Variants in PCGF5 observed in about 807,000 individuals in gnomAD.
PCGF5 encodes polycomb group ring finger 5.
In PCGF5, 9 loss-of-function variants were observed where a neutral mutation model predicts 44.3. The observed-to-expected ratio is 0.20, with a 90% CI of 0.12 to 0.35. The LOEUF (loss-of-function observed/expected upper bound fraction) is 0.35. Ranked by LOEUF, PCGF5 falls within the 10% of genes least tolerant of loss-of-function variation. PCGF5 has a pLI of 1.00. For synonymous variants in PCGF5, 95 were observed against 102.5 expected, an observed-to-expected ratio of 0.93 and a Z score of 0.44; for missense variants, 146 against 305.3, an observed-to-expected ratio of 0.48 and a Z score of 3.89.
chr10:91,264,592 T>C, intron 8 of PCGF5, 72 bp downstream of exon 8: 2 of 1,214,308 alleles, frequency 1.6e-6, no homozygotes, highest in South Asian at 2.9e-5. Flanking sequence ...TTTAACAATA[T>C]TAGAAACTAA....
At chr10:91,258,271 A>T (rs1296131691) in intron 6 of PCGF5, among the ~76,000 whole-genome samples, 1 of 152,154 alleles carries the variant, frequency 6.6e-6, no homozygotes, top group African/African-American at 2.4e-5. Flanking sequence ...TCTGTGAAAG[A>T]TTGTAAGTAG....
At chr10:91,212,354 A>G (rs1844467978) in intron 1 of PCGF5, among the ~76,000 whole-genome samples, 1 of 152,206 alleles carries the variant, frequency 6.6e-6, no homozygotes, top group Non-Finnish European at 1.5e-5. Context: ...TTCTGTTTTC[A>G]CTACATCCCC....
At chr10:91,243,561 G>A (rs1351679385) in intron 3 of PCGF5, among the ~76,000 whole-genome samples, 1 of 152,150 alleles carries the variant, frequency 6.6e-6, no homozygotes. Context: ...TATGACAGTT[G>A]TGCAGCAGGC....
chr10:91,179,183 T>G (rs7087261), intron 1 of PCGF5, among the ~76,000 whole-genome samples: 141,389 of 152,192 alleles, frequency 0.93, 65,766 homozygotes, highest in African/African-American at 0.97. Flanking sequence ...TTTCAAGTCA[T>G]GTACTCTCTA....
chr10:91,186,596 G>A (rs1463941088), intron 1 of PCGF5, among the ~76,000 whole-genome samples: 1 of 110,080 alleles, frequency 9.1e-6, no homozygotes, highest in African/African-American at 2.5e-5. Context: ...GTATATATAT[G>A]TGTATATATA....
chr10:91,261,437 A>C lies in PCGF5; in HGVS notation c.573+13A>C. On this transcript the variant is annotated intron_variant, in intron 7 of 9. Transcript: ENST00000336126. ...AAGTTCTTATGAGGTAAGTTAAATA[A>C]TATCTAAGCTTGATCATTTTGATAA... 1.4e-6 allele frequency: 2 copies of C among 1,436,568 alleles called. No homozygotes were observed. The highest frequency in any genetic ancestry group is 4.8e-5 in the East Asian group (2 of 41,830). The allele number at this position is 1,436,568 out of a possible 1,614,324, so 89.0% of individuals were successfully genotyped here. A position where few individuals can be genotyped will look rare whatever the true frequency, so the allele number is the denominator to read the frequency against.
chr10:91,208,564 A>C (rs2133247494), intron 1 of PCGF5, among the ~76,000 whole-genome samples: 1 of 152,300 alleles, frequency 6.6e-6, no homozygotes, highest in Non-Finnish European at 1.5e-5. Context: ...GAAAGAGCCA[A>C]AACACATTGC....
At chr10:91,255,364 G>A (rs1026127430) in intron 6 of PCGF5, among the ~76,000 whole-genome samples, 2 of 152,046 alleles carry the variant, frequency 1.3e-5, no homozygotes, top group Admixed American at 6.6e-5. Flanking sequence ...AGAGGGCCAC[G>A]TGCATATGTA....
intron 5 of PCGF5, among the ~76,000 whole-genome samples, chr10:91,250,678 G>T (rs1181341167): frequency 2.0e-5 from 3 of 151,362 alleles, no homozygotes; most frequent in Non-Finnish European, 4.4e-5. Context: ...ATAGGCTACA[G>T]GTTTGTAATA....
At chr10:91,163,444 A>C (rs1272967273) in intron 1 of PCGF5, among the ~76,000 whole-genome samples, 1 of 151,910 alleles carries the variant, frequency 6.6e-6, no homozygotes, top group Non-Finnish European at 1.5e-5. Flanking sequence ...GAGGGAGACC[A>C]TGAAATGTGT....
At chr10:91,261,853 G>A (rs12244459) in intron 7 of PCGF5, among the ~76,000 whole-genome samples, 19,048 of 152,108 alleles carry the variant, frequency 0.13, 2,191 homozygotes, top group African/African-American at 0.3. Context: ...TCACATTTCC[G>A]TGAAATGCAG....
intron 1 of PCGF5, among the ~76,000 whole-genome samples, chr10:91,195,589 A>G (rs1337657295): frequency 6.6e-6 from 1 of 151,340 alleles, no homozygotes; most frequent in Non-Finnish European, 1.5e-5. Flanking sequence ...GCCTCAAGTA[A>G]TCCTCCACCT....
intron 2 of PCGF5, among the ~76,000 whole-genome samples, chr10:91,235,641 T>A (rs1442945563): frequency 1.3e-5 from 2 of 152,166 alleles, no homozygotes; most frequent in African/African-American, 2.4e-5. Context: ...TTCCATGTGT[T>A]GTGGGAGGAA....
intron 1 of PCGF5, among the ~76,000 whole-genome samples, chr10:91,189,047 C>T (rs543548585): frequency 2.0e-5 from 3 of 152,340 alleles, no homozygotes; most frequent in South Asian, 4.1e-4. Context: ...GATTAGCTAG[C>T]ATGTGGCTGC....
At chr10:91,255,129 G>A (rs1040787268) in intron 6 of PCGF5, among the ~76,000 whole-genome samples, 2 of 151,948 alleles carry the variant, frequency 1.3e-5, no homozygotes, top group South Asian at 2.1e-4. Context: ...GTCAGTATTC[G>A]ACTTGACTTG....
At position 91,171,345 on chromosome 10, in the gene PCGF5, A is replaced by C. The variant is rs1013053335; in HGVS notation, c.-184+8264A>C. ...TTTTTTATATTGATTTGCCAAAAGT[A>C]AGTGGAGAGTAAAGTGTAAAGCTGA... On this transcript the variant is annotated intron_variant, in intron 1 of 9. Transcript: ENST00000614189. 2.0e-5 allele frequency among the ~76,000 whole-genome samples: 3 copies of C among 152,208 alleles called. No individual in the cohort carries two copies. The South Asian group carries it at 6.2e-4, about 32-fold the overall frequency.
intron 1 of PCGF5, among the ~76,000 whole-genome samples, chr10:91,173,594 T>TTTTTTTTTTC (rs1400340382): frequency 3.3e-5 from 5 of 150,492 alleles, no homozygotes; most frequent in African/African-American, 1.2e-4. Context: ...TTTTTTTTTT[T>TTTTTTTTTTC]TCCCACAGAA....
At chr10:91,178,747 GT>G (rs1265544034) in intron 1 of PCGF5, among the ~76,000 whole-genome samples, 1 of 142,968 alleles carries the variant, frequency 7.0e-6, no homozygotes, top group Non-Finnish European at 1.5e-5. Flanking sequence ...ATTTTCATGG[GT>G]TACTTTGATT....
chr10:91,235,436 G>T (rs1165678832), intron 2 of PCGF5, among the ~76,000 whole-genome samples: 1 of 152,188 alleles, frequency 6.6e-6, no homozygotes, highest in Non-Finnish European at 1.5e-5. Context: ...TAAAGGGCCA[G>T]GTGTGCTGGT....
Sources: gnomAD v4.1 joint callset for allele counts (sites outside exome capture counted in the v4.1 genomes callset) on GRCh38, gnomAD v4.1.1 for gene constraint, MANE v1.5 for transcripts, NCBI Gene and HGNC (gene_info 2026-07-23, HGNC 2026-07-21) for gene names.